FRMD3: variants seen among roughly 807,000 people sequenced by gnomAD.
FRMD3 encodes the protein FERM domain-containing protein 3.
A neutral mutation model predicts 70.2 loss-of-function variants in FRMD3; 33 were observed. The ratio of observed to expected loss-of-function variants is 0.47; its 90% CI spans 0.36 to 0.63. FRMD3 has a LOEUF of 0.63. FRMD3 is among the 20% of genes least tolerant of loss of function. The probability of loss-of-function intolerance (pLI) is 0.00; values close to 1 mark genes in which losing one functional copy is unlikely to be tolerated. For missense variants in FRMD3, 632 were observed against 711.4 expected, an observed-to-expected ratio of 0.89 and a Z score of 1.27; for synonymous variants, 279 against 255.9, an observed-to-expected ratio of 1.09 and a Z score of -0.86.
chr9:83,309,430 C>T (rs1015675404), intron 10 of FRMD3, 106 bp downstream of exon 10: 10 of 666,844 alleles, frequency 1.5e-5, no homozygotes, highest in Non-Finnish European at 2.5e-5. Context: ...TTAAATATAA[C>T]TTTTAAAACT....
chr9:83,343,697 A>G (rs1587747390), intron 4 of FRMD3, among the ~76,000 whole-genome samples: 1 of 152,366 alleles, frequency 6.6e-6, no homozygotes, highest in Admixed American at 6.5e-5. Flanking sequence ...AAACGGACTC[A>G]ATCCATACAT....
intron 3 of FRMD3, among the ~76,000 whole-genome samples, chr9:83,363,275 A>G (rs1286326838): frequency 6.6e-6 from 1 of 152,140 alleles, no homozygotes; most frequent in Admixed American, 6.6e-5. Flanking sequence ...TTTTTATATA[A>G]AAGTATCATT....
intron 13 of FRMD3, among the ~76,000 whole-genome samples, chr9:83,258,006 A>C (rs1405491607): frequency 6.6e-6 from 1 of 152,220 alleles, no homozygotes; most frequent in Non-Finnish European, 1.5e-5. Flanking sequence ...AATTTGAAGA[A>C]ATACTGTATA....
chr9:83,290,814 T>G (rs1834389898), intron 12 of FRMD3, 87 bp from the exon 13 acceptor site: 1 of 1,431,606 alleles, frequency 7.0e-7, no homozygotes, highest in Admixed American at 2.2e-5. Context: ...GCTACCATTT[T>G]GTGTCTACAG....
intron 1 of FRMD3, among the ~76,000 whole-genome samples, chr9:83,440,854 G>A (rs761209805): frequency 1.3e-5 from 2 of 152,214 alleles, no homozygotes; most frequent in Admixed American, 6.5e-5. Context: ...AGAGTCTGAC[G>A]CCAGGAGGTG....
chr9:83,374,030 G>A (rs3860907), intron 2 of FRMD3, among the ~76,000 whole-genome samples: 107,374 of 152,090 alleles, frequency 0.71, 38,155 homozygotes, highest in Admixed American at 0.73. Flanking sequence ...ATTTCCATGT[G>A]CTATCTTATG....
intron 1 of FRMD3, among the ~76,000 whole-genome samples, chr9:83,522,326 C>A (rs1047889122): frequency 2.0e-5 from 3 of 151,984 alleles, no homozygotes; most frequent in African/African-American, 7.2e-5. Context: ...TCGCCTTAAG[C>A]TTTGCCCGCC....
In FRMD3 at chr9:83,245,372, G is replaced by C. The variant is rs1832043956; in HGVS notation, c.*2546C>G. 2.0e-6 allele frequency: 2 copies of C among 985,228 alleles called. No individual in the cohort carries two copies. Among genetic ancestry groups the C allele is most frequent in the South Asian group, 9.4e-5 (2 of 21,290 alleles). 61.0% of individuals were successfully genotyped at this position (985,228 alleles called of 1,614,324 possible). Reference sequence around the variant, plus strand: ...AAAACTTAAATGGATGTTTCTAAAAGGCTCTGATTCTATGCCGAGCAAATG... The same window carrying C: ...AAAACTTAAATGGATGTTTCTAAAACGCTCTGATTCTATGCCGAGCAAATG... On this transcript the variant is annotated 3_prime_UTR_variant, in exon 14 of 14. Transcript: ENST00000304195.
chr9:83,548,346 G>T, the FRMD3 span, among the ~76,000 whole-genome samples: 2 of 152,168 alleles, frequency 1.3e-5, no homozygotes, highest in Non-Finnish European at 2.9e-5. Flanking sequence ...TAGGTGAATG[G>T]ATACATGAAC....
chr9:83,518,591 C>G (rs1045827890), intron 1 of FRMD3, among the ~76,000 whole-genome samples: 1 of 152,012 alleles, frequency 6.6e-6, no homozygotes, highest in African/African-American at 2.4e-5. Flanking sequence ...TTCAATGCTA[C>G]TCCCATCAAG....
intron 1 of FRMD3, among the ~76,000 whole-genome samples, chr9:83,535,817 G>A (rs895590619): frequency 6.6e-6 from 1 of 152,000 alleles, no homozygotes; most frequent in African/African-American, 2.4e-5. Flanking sequence ...GTGACATTCT[G>A]TGACAATATA....
At chr9:83,456,844 G>A (rs1009978851) in intron 1 of FRMD3, among the ~76,000 whole-genome samples, 4 of 152,064 alleles carry the variant, frequency 2.6e-5, no homozygotes, top group African/African-American at 9.7e-5. Context: ...GCTGGGCATG[G>A]TGGCATATAC....
chr9:83,265,752 T>C (rs964460014), intron 13 of FRMD3, among the ~76,000 whole-genome samples: 3 of 152,204 alleles, frequency 2.0e-5, no homozygotes. Flanking sequence ...GGGTGAGTGA[T>C]TATGTGGGGG....
intron 6 of FRMD3, among the ~76,000 whole-genome samples, chr9:83,314,119 T>C (rs1835470448): frequency 1.3e-5 from 2 of 152,352 alleles, no homozygotes; most frequent in East Asian, 3.9e-4. Flanking sequence ...TTAAATGGCA[T>C]GCCTTCTTGC....
At chr9:83,383,417 C>A (rs967241597) in intron 2 of FRMD3, among the ~76,000 whole-genome samples, 1 of 152,186 alleles carries the variant, frequency 6.6e-6, no homozygotes, top group Non-Finnish European at 1.5e-5. Context: ...ACTACTGAAC[C>A]TTGAAGGAAA....
chr9:83,286,775 G>A (rs1196827238), intron 13 of FRMD3, among the ~76,000 whole-genome samples: 1 of 152,176 alleles, frequency 6.6e-6, no homozygotes, highest in Non-Finnish European at 1.5e-5. Context: ...AAGGTAAGTG[G>A]TGATGCTGAG....
intron 1 of FRMD3, among the ~76,000 whole-genome samples, chr9:83,477,388 G>A (rs1828426438): frequency 1.3e-5 from 2 of 152,088 alleles, no homozygotes; most frequent in African/African-American, 4.8e-5. Context: ...CTAAATCAGA[G>A]GTTCTCACTT....
Position 83,248,383 on chromosome 9 carries a change from A to G in FRMD3, c.1329T>C (p.Ser443=), listed in dbSNP as rs942874091. The G allele has an allele frequency of 3.3e-5, 54 of 1,614,036 alleles. No homozygotes were observed. Among genetic ancestry groups the G allele is most frequent in the Non-Finnish European group, 4.4e-5 (52 of 1,180,002 alleles). The change falls in exon 14 of 14, where the codon TCT becomes TCC. Residue 443 remains serine, a synonymous_variant. Coordinates refer to ENST00000304195, the MANE Select transcript of FRMD3 (RefSeq NM_174938.6). ...TGGCACTTGGGTTGTACACTAGTTC[A>G]GAGATGGTTAAAGGTTCTTCTTTTA... ...DKIKEEPLTI[S]ELVYNPSASL... is the part of the protein sequence containing the mutation.
chr9:83,290,906 A>C (rs1820614439), intron 12 of FRMD3, among the ~76,000 whole-genome samples, 179 bp from the exon 13 acceptor site: 1 of 152,208 alleles, frequency 6.6e-6, no homozygotes, highest in African/African-American at 2.4e-5. Context: ...TCTGCTCTTA[A>C]GGTCCTGACC....
Sources: gnomAD v4.1 joint callset for allele counts (sites outside exome capture counted in the v4.1 genomes callset) on GRCh38, gnomAD v4.1.1 for gene constraint, MANE v1.5 for transcripts, NCBI Gene and HGNC (gene_info 2026-07-23, HGNC 2026-07-21) for gene names.